HSF5: variants seen among roughly 807,000 people sequenced by gnomAD.
HSF5 encodes heat shock transcription factor 5.
A neutral mutation model predicts 50.8 loss-of-function variants in HSF5; 5 were observed. That is an observed-to-expected ratio of 0.10 (90% confidence interval 0.05 to 0.21). HSF5 has a LOEUF of 0.21. Ranked by LOEUF, HSF5 falls within the 10% of genes least tolerant of loss-of-function variation. The pLI is 1.00. For synonymous variants in HSF5, 307 were observed against 307.4 expected, an observed-to-expected ratio of 1.00 and a Z score of 0.02; for missense variants, 564 against 762.6, an observed-to-expected ratio of 0.74 and a Z score of 3.07.
At chr17:58,462,153 A>T (rs1974803569) in intron 4 of HSF5, among the ~76,000 whole-genome samples, 1 of 152,158 alleles carries the variant, frequency 6.6e-6, no homozygotes, top group Non-Finnish European at 1.5e-5. Flanking sequence ...GTTTCTGTGG[A>T]TGTACTTTTG....
chr17:58,422,010 G>C lies in HSF5; in HGVS notation c.*350C>G, dbSNP rs758665949. On this transcript the variant is annotated 3_prime_UTR_variant, in exon 6 of 6. Coordinates refer to ENST00000323777, the MANE Select transcript of HSF5 (RefSeq NM_001080439.3). Reference sequence around the variant, plus strand: ...GTGCTGACTACAGTTTGAGTGGCAAGACAACAAATCAGCACACACACAGAT... The same window carrying C: ...GTGCTGACTACAGTTTGAGTGGCAACACAACAAATCAGCACACACACAGAT... 5.6e-6 allele frequency: 1 copy of C among 179,358 alleles called. No homozygotes were observed. Among genetic ancestry groups the C allele is most frequent in the Admixed American group, 5.8e-5 (1 of 17,354 alleles). The allele number at this position is 179,358 out of a possible 1,614,324, so 11.1% of individuals were successfully genotyped here.
chr17:58,425,236 T>C (rs1974278673), intron 5 of HSF5, among the ~76,000 whole-genome samples: 1 of 151,400 alleles, frequency 6.6e-6, no homozygotes, highest in African/African-American at 2.4e-5. Flanking sequence ...CCATCTCTAC[T>C]AAAAATACAA....
intron 5 of HSF5, among the ~76,000 whole-genome samples, chr17:58,442,140 T>C (rs914238909): frequency 2.6e-5 from 4 of 152,218 alleles, no homozygotes; most frequent in African/African-American, 9.6e-5. Flanking sequence ...GCTCTGATAA[T>C]TGGGTAGTCA....
rs1205824250 is a variant in HSF5 at position 58,479,979 on chromosome 17, T to G, written c.839A>C (p.Gln280Pro). Residue 280 changes from glutamine (Q) to proline (P), a missense_variant, in exon 2 of 6, where the codon CAA becomes CCA. Gln to Pro is a moderately conservative substitution (Grantham distance 76, BLOSUM62 -1). Transcript: ENST00000323777. ...GGAGCTGACCATTGTTTGAGGACCTTGTTGAACATGTACAGATGTGGTGCT... is the reference window on the plus strand; with the variant it reads ...GGAGCTGACCATTGTTTGAGGACCTGGTTGAACATGTACAGATGTGGTGCT... ...QPSTTSVHVQ[Q>P]GPQTMVSSSQ... 6.2e-7 allele frequency: 1 copy of G among 1,614,084 alleles called. No individual in the cohort carries two copies. The highest frequency in any genetic ancestry group is 1.1e-5 in the South Asian group (1 of 91,066).
intron 5 of HSF5, among the ~76,000 whole-genome samples, chr17:58,442,296 ATCAAAG>A (rs1974508827): frequency 6.6e-6 from 1 of 152,232 alleles, no homozygotes; most frequent in South Asian, 2.1e-4. Flanking sequence ...TGGCTATGTG[ATCAAAG>A]TCAAAGAGTT....
chr17:58,452,810 T>G (rs1974659002), intron 5 of HSF5, among the ~76,000 whole-genome samples: 2 of 152,178 alleles, frequency 1.3e-5, no homozygotes, highest in Admixed American at 1.3e-4. Context: ...CTTTCTGCCC[T>G]CCCCAAGTTT....
At chr17:58,438,117 AT>A (rs1598183349) in intron 5 of HSF5, among the ~76,000 whole-genome samples, 1 of 152,128 alleles carries the variant, frequency 6.6e-6, no homozygotes, top group African/African-American at 2.4e-5. Context: ...AAAAAAAAAA[AT>A]AATTGGTTGA....
At chr17:58,423,000 A>G (rs1426970992) in intron 5 of HSF5, among the ~76,000 whole-genome samples, 1 of 152,190 alleles carries the variant, frequency 6.6e-6, no homozygotes, top group East Asian at 1.9e-4. Flanking sequence ...CTGGCCTTCA[A>G]TTGCCTTTTA....
intron 5 of HSF5, among the ~76,000 whole-genome samples, chr17:58,436,431 T>G (rs1233976315): frequency 6.6e-6 from 1 of 151,992 alleles, no homozygotes; most frequent in African/African-American, 2.4e-5. Context: ...TGATTAGGTG[T>G]CATAATGATG....
intron 5 of HSF5, among the ~76,000 whole-genome samples, chr17:58,440,449 C>T (rs545300761): frequency 8.5e-5 from 13 of 152,266 alleles, no homozygotes; most frequent in Admixed American, 8.5e-4. Flanking sequence ...GCCAGTGACC[C>T]CAATTGCCTG....
At chr17:58,459,037 C>T in intron 4 of HSF5, 92 bp from the exon 5 acceptor site, 1 of 1,091,596 alleles carries the variant, frequency 9.2e-7, no homozygotes, top group Non-Finnish European at 1.3e-6. Flanking sequence ...ATTATGGGAA[C>T]ATGATCCAAC....
intron 2 of HSF5, among the ~76,000 whole-genome samples, chr17:58,468,124 A>G (rs1481944177): frequency 6.6e-6 from 1 of 152,240 alleles, no homozygotes; most frequent in African/African-American, 2.4e-5. Context: ...ACAGCGAGGC[A>G]TGGTGGCTCA....
intron 5 of HSF5, among the ~76,000 whole-genome samples, chr17:58,443,099 G>A (rs1974519127): frequency 6.6e-6 from 1 of 152,052 alleles, no homozygotes; most frequent in Non-Finnish European, 1.5e-5. Flanking sequence ...AGTAGAGACG[G>A]GGTTTCACTG....
intron 5 of HSF5, among the ~76,000 whole-genome samples, chr17:58,450,708 G>A (rs1259912843): frequency 1.3e-5 from 2 of 149,256 alleles, no homozygotes; most frequent in Non-Finnish European, 3.0e-5. Flanking sequence ...AGCCAAGATC[G>A]CGCCATTGTA....
chr17:58,446,688 G>C (rs1297557776), intron 5 of HSF5, among the ~76,000 whole-genome samples: 3 of 152,194 alleles, frequency 2.0e-5, no homozygotes, highest in Non-Finnish European at 4.4e-5. Flanking sequence ...AGTGGTTCTT[G>C]GGTGAGCCCT....
At chr17:58,482,959 G>C (rs1049326233) in intron 1 of HSF5, among the ~76,000 whole-genome samples, 5 of 145,896 alleles carry the variant, frequency 3.4e-5, no homozygotes, top group African/African-American at 1.3e-4. Context: ...AAAAAAAAAA[G>C]CATAAAACAG....
intron 2 of HSF5, among the ~76,000 whole-genome samples, chr17:58,478,282 T>TAAATAA (rs61339406): frequency 7.6e-4 from 103 of 134,796 alleles, no homozygotes; most frequent in Middle Eastern, 3.8e-3. Flanking sequence ...AATAAATAAA[T>TAAATAA]ATATATATAT....
intron 1 of HSF5, among the ~76,000 whole-genome samples, chr17:58,481,755 T>C (rs972158644): frequency 1.3e-5 from 2 of 152,198 alleles, no homozygotes; most frequent in African/African-American, 4.8e-5. Flanking sequence ...ATCCCAGCAC[T>C]TTGGGAGGCC....
chr17:58,484,172 C>T (rs1567920169), intron 1 of HSF5, among the ~76,000 whole-genome samples: 1 of 151,316 alleles, frequency 6.6e-6, no homozygotes, highest in African/African-American at 2.4e-5. Context: ...ACCTGACATA[C>T]CTTCTGCACA....
Sources: allele counts gnomAD v4.1 joint callset (sites outside exome capture counted in the v4.1 genomes callset), GRCh38; gene constraint gnomAD v4.1.1; transcripts MANE v1.5; gene names NCBI Gene and HGNC (gene_info 2026-07-23, HGNC 2026-07-21).